The following PDE1A variants were observed in gnomAD, a reference collection of about 807,000 sequenced individuals.
PDE1A encodes phosphodiesterase 1A.
In PDE1A, 35 loss-of-function variants were observed where a neutral mutation model predicts 61.7. That is an observed-to-expected ratio of 0.57 (90% CI 0.43 to 0.75). PDE1A has a LOEUF of 0.75. Ranked by LOEUF, PDE1A falls within the 30% of genes least tolerant of loss-of-function variation. The pLI, the probability that PDE1A is intolerant of heterozygous loss-of-function variation, is 0.00. For missense variants in PDE1A, 597 were observed against 630.6 expected (o/e 0.95, Z 0.57); for synonymous variants, 232 against 213.2 (o/e 1.09, Z -0.77).
At chr2:182,486,016 C>T (rs1015014120) in intron 2 of PDE1A, among the ~76,000 whole-genome samples, 2 of 151,840 alleles carry the variant, frequency 1.3e-5, no homozygotes, top group African/African-American at 4.8e-5. Context: ...AGAAGTAAAA[C>T]TCTATTCACA....
At chr2:182,236,201 G>T (rs12470794) in intron 3 of PDE1A, among the ~76,000 whole-genome samples, 10 of 152,168 alleles carry the variant, frequency 6.6e-5, no homozygotes, top group Admixed American at 5.2e-4. Context: ...TCTATTGAAA[G>T]ATTTTAGAAC....
chr2:182,590,898 A>G, the PDE1A span, among the ~76,000 whole-genome samples: 2 of 152,300 alleles, frequency 1.3e-5, no homozygotes, highest in East Asian at 3.9e-4. Flanking sequence ...TCACAATTGG[A>G]TCTAAGACAT....
intron 1 of PDE1A, among the ~76,000 whole-genome samples, chr2:182,420,374 G>A (rs1703200363): frequency 6.6e-6 from 1 of 151,846 alleles, no homozygotes; most frequent in South Asian, 2.1e-4. Flanking sequence ...GACCTGGTGG[G>A]GATTTTCTTT....
chr2:182,626,887 A>G, the PDE1A span, among the ~76,000 whole-genome samples: 10 of 81,994 alleles, frequency 1.2e-4, 1 homozygote, highest in Non-Finnish European at 1.8e-4. Context: ...ATATATACAC[A>G]TATATATATA....
the PDE1A span, among the ~76,000 whole-genome samples, chr2:182,560,528 G>C: frequency 1.3e-5 from 2 of 151,202 alleles, no homozygotes; most frequent in Admixed American, 1.3e-4. Flanking sequence ...AAACATACGT[G>C]TGCATGTGTC....
At chr2:182,198,166 T>C (rs1686296708) in intron 10 of PDE1A, among the ~76,000 whole-genome samples, 1 of 151,370 alleles carries the variant, frequency 6.6e-6, no homozygotes, top group South Asian at 2.1e-4. Context: ...TTATAAAGCA[T>C]ACTGTTTTCA....
chr2:182,480,554 A>G (rs760750387), intron 2 of PDE1A, among the ~76,000 whole-genome samples: 1 of 151,998 alleles, frequency 6.6e-6, no homozygotes, highest in Non-Finnish European at 1.5e-5. Flanking sequence ...ATAAAATTTT[A>G]ATTTTCCACC....
At chr2:182,229,936 A>G (rs1040236671) in intron 6 of PDE1A, 70 bp downstream of exon 6, 171 of 1,214,584 alleles carry the variant, frequency 1.4e-4, no homozygotes, top group Non-Finnish European at 1.9e-4. Flanking sequence ...AAGAGACAAT[A>G]GAAACTTATA....
chr2:182,200,474 C>T (rs1686526545), intron 10 of PDE1A, among the ~76,000 whole-genome samples: 1 of 152,136 alleles, frequency 6.6e-6, no homozygotes, highest in Non-Finnish European at 1.5e-5. Flanking sequence ...AGTAGAGCTT[C>T]CTGGATGGTG....
intron 1 of PDE1A, among the ~76,000 whole-genome samples, chr2:182,405,865 A>C (rs890627866): frequency 6.6e-6 from 1 of 152,266 alleles, no homozygotes; most frequent in South Asian, 2.1e-4. Context: ...ATAACATCAC[A>C]TTGTACCCAT....
rs1368491218 is a variant in PDE1A, at chr2:182,506,691, A to G, written c.101+15585T>C. Among the ~76,000 whole-genome samples, 5 of 152,180 alleles carry G rather than the reference A, an allele frequency of 3.3e-5. No individual in the cohort carries two copies. In the East Asian group the frequency reaches 9.6e-4, roughly 29 times the overall value. On this transcript the variant is annotated intron_variant, in intron 2 of 14. Transcript: ENST00000410103. ...CAGAAGAAATATGTAGGTGGGGAGGAACAAGATGCAACATCACTTTCTTCT... is the reference window on the plus strand; with the variant it reads ...CAGAAGAAATATGTAGGTGGGGAGGGACAAGATGCAACATCACTTTCTTCT...
At chr2:182,690,904 A>G in the PDE1A span, among the ~76,000 whole-genome samples, 1 of 152,238 alleles carries the variant, frequency 6.6e-6, no homozygotes, top group African/African-American at 2.4e-5. Flanking sequence ...CAGAGAGCCA[A>G]ATCATGAGTG....
intron 10 of PDE1A, among the ~76,000 whole-genome samples, chr2:182,195,077 A>G (rs1686027552): frequency 6.6e-6 from 1 of 152,124 alleles, no homozygotes; most frequent in Non-Finnish European, 1.5e-5. Context: ...TCAAAAAGGA[A>G]AATACTTCTC....
chr2:182,440,310 G>C (rs1257465637), intron 2 of PDE1A, among the ~76,000 whole-genome samples: 1 of 151,986 alleles, frequency 6.6e-6, no homozygotes, highest in Non-Finnish European at 1.5e-5. Flanking sequence ...GCTGACCCGA[G>C]GAAGAAAGGG....
Position 182,336,526 on chromosome 2 carries a change from C to T in PDE1A, c.54-72112G>A, listed in dbSNP as rs550830062. On this transcript the variant is annotated intron_variant, in intron 1 of 13. Coordinates refer to ENST00000351439, the Ensembl canonical transcript of PDE1A. The stretch of plus-strand genomic sequence containing the variant: ...AGCAAACTAACACAGGAACAGAAAA[C>T]CAAACACCACATGTTCTCACTCATA... 4.6e-5 allele frequency among the ~76,000 whole-genome samples: 7 copies of T among 152,200 alleles called. No individual in the cohort carries two copies. The South Asian group carries it at 1.2e-3, about 27-fold the overall frequency.
intron 1 of PDE1A, among the ~76,000 whole-genome samples, chr2:182,322,059 T>C (rs1696730905): frequency 6.6e-6 from 1 of 152,202 alleles, no homozygotes; most frequent in African/African-American, 2.4e-5. Flanking sequence ...CAAAGTCACG[T>C]TGCACTTTGA....
At chr2:182,630,563 A>ATC in the PDE1A span, among the ~76,000 whole-genome samples, 1 of 151,598 alleles carries the variant, frequency 6.6e-6, no homozygotes, top group Non-Finnish European at 1.5e-5. Flanking sequence ...TTTAAAAAAA[A>ATC]AAAAACTTAC....
intron 2 of PDE1A, among the ~76,000 whole-genome samples, chr2:182,470,718 A>C (rs1376626050): frequency 6.6e-6 from 1 of 151,824 alleles, no homozygotes; most frequent in Admixed American, 6.6e-5. Flanking sequence ...GGGTAGATGC[A>C]AGAGACAGTA....
chr2:182,391,159 A>G (rs574862617), intron 1 of PDE1A, among the ~76,000 whole-genome samples: 23 of 152,124 alleles, frequency 1.5e-4, no homozygotes, highest in Non-Finnish European at 2.2e-4. Flanking sequence ...GAAAGAATAT[A>G]AAGTTGGTTC....
Sources: allele counts gnomAD v4.1 joint callset (sites outside exome capture counted in the v4.1 genomes callset), GRCh38; gene constraint gnomAD v4.1.1; transcripts MANE v1.5; gene names NCBI Gene and HGNC (gene_info 2026-07-23, HGNC 2026-07-21).